Variants in LRP1B observed in about 807,000 individuals in gnomAD.
The protein encoded by LRP1B is low-density lipoprotein receptor-related protein 1B.
A neutral mutation model predicts 556.6 loss-of-function variants in LRP1B; 217 were observed. The ratio of observed to expected loss-of-function variants is 0.39; its 90% confidence interval spans 0.35 to 0.44. The LOEUF (loss-of-function observed/expected upper bound fraction) is 0.44, where lower values mean the gene tolerates loss of function less well. Ranked by LOEUF, LRP1B falls within the 20% of genes least tolerant of loss-of-function variation. LRP1B has a pLI of 1.00. For missense variants in LRP1B, 5,053 were observed against 5,620.8 expected (o/e 0.90, Z 3.23); for synonymous variants, 2,047 against 1,865.8 (o/e 1.10, Z -2.50).
chr2:140,525,510 T>C (rs1030008417), intron 49 of LRP1B, among the ~76,000 whole-genome samples: 15 of 151,996 alleles, frequency 9.9e-5, no homozygotes, highest in Non-Finnish European at 2.2e-4. Context: ...GTTTCTCTTC[T>C]TTTATGAAGT....
chr2:141,208,605 C>T (rs898319871), intron 6 of LRP1B, among the ~76,000 whole-genome samples: 38 of 152,120 alleles, frequency 2.5e-4, no homozygotes, highest in Admixed American at 2.0e-3. Context: ...GGGGGGCTCA[C>T]GCCTGTAATC....
chr2:141,129,466 T>C (rs1220534854), intron 7 of LRP1B, among the ~76,000 whole-genome samples: 2 of 151,300 alleles, frequency 1.3e-5, no homozygotes, highest in Admixed American at 6.6e-5. Flanking sequence ...ATGAAGACTA[T>C]ACACAAAAGT....
intron 3 of LRP1B, among the ~76,000 whole-genome samples, chr2:141,305,029 A>T (rs1273089705): frequency 1.3e-5 from 2 of 152,006 alleles, no homozygotes; most frequent in African/African-American, 4.8e-5. Flanking sequence ...TGATGCCTAC[A>T]TTTTTGTTCT....
At chr2:141,830,562 A>G (rs1281079276) in intron 1 of LRP1B, among the ~76,000 whole-genome samples, 1 of 151,864 alleles carries the variant, frequency 6.6e-6, no homozygotes, top group Non-Finnish European at 1.5e-5. Flanking sequence ...ACTTGCAGTG[A>G]CAAATAAAAC....
intron 66 of LRP1B, among the ~76,000 whole-genome samples, chr2:140,387,938 T>TC (rs1338376089): frequency 6.6e-6 from 1 of 151,248 alleles, no homozygotes; most frequent in African/African-American, 2.4e-5. Flanking sequence ...TACTTTCTTT[T>TC]TTTTTTTTTT....
chr2:140,571,388 T>C (rs1681316356), intron 43 of LRP1B, among the ~76,000 whole-genome samples: 1 of 151,542 alleles, frequency 6.6e-6, no homozygotes. Context: ...GAAAAAGAAA[T>C]CATGAAAGCA....
intron 32 of LRP1B, among the ~76,000 whole-genome samples, chr2:140,783,322 C>T (rs1430999231): frequency 6.6e-6 from 1 of 151,736 alleles, no homozygotes; most frequent in African/African-American, 2.4e-5. Context: ...GAAAATATAC[C>T]TAGTTACATT....
At chr2:140,852,870 G>C (rs1189443130) in intron 27 of LRP1B, among the ~76,000 whole-genome samples, 1 of 151,630 alleles carries the variant, frequency 6.6e-6, no homozygotes, top group Non-Finnish European at 1.5e-5. Flanking sequence ...AATTTATCTA[G>C]TATCTTTAAT....
intron 1 of LRP1B, among the ~76,000 whole-genome samples, chr2:142,128,217 AAC>A (rs947478559): frequency 6.6e-6 from 1 of 152,316 alleles, no homozygotes; most frequent in African/African-American, 2.4e-5. Context: ...ATAAAGGAAA[AAC>A]ACAGCTAGAA....
chr2:140,793,870 T>C (rs1170395136), intron 32 of LRP1B, among the ~76,000 whole-genome samples: 2 of 152,088 alleles, frequency 1.3e-5, no homozygotes, highest in Admixed American at 6.6e-5. Flanking sequence ...GTGAGTATCG[T>C]CCTATAATTT....
chr2:140,319,611 C>G (rs115956826), intron 82 of LRP1B, among the ~76,000 whole-genome samples: 3,080 of 152,142 alleles, frequency 0.02, 37 homozygotes, highest in African/African-American at 0.028. Flanking sequence ...ACACACACTG[C>G]GGCCTTTTGG....
At chr2:142,127,113 T>C (rs529041752) in intron 1 of LRP1B, among the ~76,000 whole-genome samples, 1 of 152,050 alleles carries the variant, frequency 6.6e-6, no homozygotes, top group South Asian at 2.1e-4. Flanking sequence ...TTTTAAAAAA[T>C]CACTTCCATA....
chr2:141,571,363 A>G (rs1347423434), intron 2 of LRP1B, among the ~76,000 whole-genome samples: 1 of 148,654 alleles, frequency 6.7e-6, no homozygotes, highest in African/African-American at 2.4e-5. Flanking sequence ...GCAGAAACCA[A>G]CAACAACAGC....
chr2:141,010,174 A>C (rs1229479014), intron 14 of LRP1B, among the ~76,000 whole-genome samples: 5 of 152,102 alleles, frequency 3.3e-5, no homozygotes, highest in Admixed American at 3.3e-4. Flanking sequence ...AATATTACTT[A>C]GTTTTGATTA....
intron 21 of LRP1B, among the ~76,000 whole-genome samples, chr2:140,922,594 T>C (rs549761232): frequency 2.0e-5 from 3 of 152,130 alleles, no homozygotes; most frequent in African/African-American, 7.2e-5. Context: ...TGCTTATCTC[T>C]CTCGATTCTG....
intron 41 of LRP1B, among the ~76,000 whole-genome samples, chr2:140,622,163 A>T (rs954818000): frequency 2.0e-5 from 3 of 152,220 alleles, no homozygotes; most frequent in African/African-American, 7.2e-5. Flanking sequence ...ATTATTGCAC[A>T]ACAAACTTTT....
Position 140,433,143 on chromosome 2 carries a change from G to T in LRP1B, c.10414+9361C>A, listed in dbSNP as rs147959404. Among the ~76,000 whole-genome samples the T allele has an allele frequency of 4.8e-3, 730 of 152,212 alleles. 3 individuals carry two copies. The highest frequency in any genetic ancestry group is 7.0e-3 in the Non-Finnish European group (478 of 68,016). ...AGGCAGAGTCTTGCTCTGTTGCCCC[G>T]GCTGGAGTGCAGTGGTGCAATCTTG... On this transcript the variant is annotated intron_variant, in intron 66 of 90. Coordinates refer to ENST00000389484, the MANE Select transcript of LRP1B (RefSeq NM_018557.3).
chr2:141,974,117 A>G (rs879435811), intron 1 of LRP1B, among the ~76,000 whole-genome samples: 4 of 151,974 alleles, frequency 2.6e-5, no homozygotes, highest in Non-Finnish European at 5.9e-5. Context: ...GTCTCTCAGG[A>G]AAAAGCTACT....
At chr2:141,797,207 A>C (rs1231638113) in intron 2 of LRP1B, among the ~76,000 whole-genome samples, 1 of 137,932 alleles carries the variant, frequency 7.2e-6, no homozygotes, top group Non-Finnish European at 1.5e-5. Flanking sequence ...ATCTTCAGGG[A>C]ATTCAAGTGC....
Sources: allele counts gnomAD v4.1 joint callset (sites outside exome capture counted in the v4.1 genomes callset), GRCh38; gene constraint gnomAD v4.1.1; transcripts MANE v1.5; gene names NCBI Gene and HGNC (gene_info 2026-07-23, HGNC 2026-07-21).